Variants in SEC14L1 observed in about 807,000 individuals in gnomAD.
SEC14L1 encodes SEC14-like protein 1.
A neutral mutation model predicts 85.3 loss-of-function variants in SEC14L1; 48 were observed. The ratio of observed to expected loss-of-function variants is 0.56; its 90% CI spans 0.45 to 0.72. The LOEUF is 0.72. SEC14L1 is among the 30% of genes least tolerant of loss of function. SEC14L1 has a pLI of 0.00. For missense variants in SEC14L1, 682 were observed against 921.4 expected (o/e 0.74, Z 3.36); for synonymous variants, 391 against 355.5 (o/e 1.10, Z -1.12).
At chr17:77,197,988 GCTA>G (rs1975902444) in intron 8 of SEC14L1, among the ~76,000 whole-genome samples, 1 of 152,220 alleles carries the variant, frequency 6.6e-6, no homozygotes, top group Non-Finnish European at 1.5e-5. Context: ...AGTTTAACTT[GCTA>G]CTATTTCTTG....
chr17:77,108,610 A>G (rs982363689), intron 3 of SEC14L1, among the ~76,000 whole-genome samples: 2 of 151,840 alleles, frequency 1.3e-5, no homozygotes, highest in African/African-American at 2.4e-5. Context: ...ATGGTGGTGC[A>G]TGCCTGTAGT....
At chr17:77,178,694 A>G (rs1418470652) in intron 3 of SEC14L1, among the ~76,000 whole-genome samples, 1 of 152,308 alleles carries the variant, frequency 6.6e-6, no homozygotes, top group South Asian at 2.1e-4. Flanking sequence ...TGCAGCCTCA[A>G]TCCCTTGTGT....
intron 13 of SEC14L1, among the ~76,000 whole-genome samples, chr17:77,208,885 T>C (rs545757903): frequency 1.3e-5 from 2 of 152,396 alleles, no homozygotes; most frequent in Non-Finnish European, 2.9e-5. Context: ...GCTGGTGTTA[T>C]AGACCAGTCA....
intron 3 of SEC14L1, among the ~76,000 whole-genome samples, chr17:77,144,090 C>T (rs1267444152): frequency 1.3e-5 from 2 of 152,134 alleles, no homozygotes; most frequent in Non-Finnish European, 2.9e-5. Context: ...GAGTTTTACT[C>T]ACGATTCAAA....
intron 3 of SEC14L1, among the ~76,000 whole-genome samples, chr17:77,180,114 A>AT (rs539378106): frequency 1.0e-4 from 15 of 145,194 alleles, no homozygotes; most frequent in African/African-American, 3.3e-4. Context: ...TTATGATGTT[A>AT]TTTTTTTGAG....
chr17:77,172,041 T>C (rs78666792), intron 3 of SEC14L1, among the ~76,000 whole-genome samples: 2,074 of 152,334 alleles, frequency 0.014, 20 homozygotes, highest in Non-Finnish European at 0.021. Flanking sequence ...GGTCCTTATA[T>C]TTAATTTCTG....
intron 3 of SEC14L1, among the ~76,000 whole-genome samples, chr17:77,109,677 CTG>C (rs1488535149): frequency 6.6e-6 from 1 of 152,172 alleles, no homozygotes; most frequent in East Asian, 1.9e-4. Context: ...CTGAAACTAA[CTG>C]TTCAAAGGTA....
intron 3 of SEC14L1, among the ~76,000 whole-genome samples, chr17:77,135,864 T>C (rs1972780283): frequency 6.6e-6 from 1 of 151,224 alleles, no homozygotes; most frequent in Non-Finnish European, 1.5e-5. Context: ...CTTTCCTTCC[T>C]TCCTTCTCTT....
intron 8 of SEC14L1, chr17:77,199,483 T>C (rs1054226147): frequency 1.2e-5 from 2 of 161,960 alleles, no homozygotes; most frequent in Non-Finnish European, 2.7e-5. Context: ...CCCTTTTCCA[T>C]GGTGTGGCAC....
rs1010482386 is a variant in SEC14L1, at chr17:77,215,520, C to T, written c.*1497C>T. The T allele has an allele frequency of 2.5e-5, 25 of 986,154 alleles. No individual in the cohort carries two copies. The East Asian group carries it at 6.8e-4, about 27-fold the overall frequency. 61.1% of individuals were successfully genotyped at this position (986,154 alleles called of 1,614,324 possible). On this transcript the variant is annotated 3_prime_UTR_variant, in exon 17 of 17. Transcript: ENST00000436233. ...AGCTGTGTGGAGGCCATGTGTGCCC[C>T]GTGCAGGGATCAGGAGGGCGGGGGA... is the stretch of plus-strand genomic sequence containing the variant.
At chr17:77,185,257 G>A (rs1975215297) in intron 3 of SEC14L1, 1 of 985,490 alleles carries the variant, frequency 1.0e-6, no homozygotes. Context: ...AGAATGTGGA[G>A]GGAGTAAGGG....
chr17:77,154,963 C>G lies in SEC14L1; in HGVS notation c.63+11304C>G, dbSNP rs547341225. On this transcript the variant is annotated intron_variant, in intron 3 of 16. Transcript: ENST00000436233. ...TAAGGTGCGGATGGATTGTTTGTTC[C>G]TTTTCCTCTGATTTTGCTGTTTGGG... Among the ~76,000 whole-genome samples, 109 of 152,212 alleles carry G rather than the reference C, an allele frequency of 7.2e-4. 1 individual carries two copies. Among genetic ancestry groups the G allele is most frequent in the African/African-American group, 2.5e-3 (103 of 41,524 alleles).
intron 3 of SEC14L1, among the ~76,000 whole-genome samples, chr17:77,109,593 G>C (rs1218240430): frequency 2.0e-5 from 3 of 152,150 alleles, no homozygotes. Flanking sequence ...TGGTCTTTTG[G>C]GGCCTAGTGC....
chr17:77,125,324 G>T (rs1369899487), intron 3 of SEC14L1, among the ~76,000 whole-genome samples: 1 of 149,700 alleles, frequency 6.7e-6, no homozygotes, highest in Non-Finnish European at 1.5e-5. Flanking sequence ...AGAAAGAAAA[G>T]AAAAAGAAAA....
chr17:77,198,197 C>A (rs76322950), intron 8 of SEC14L1, among the ~76,000 whole-genome samples: 7,976 of 152,248 alleles, frequency 0.052, 316 homozygotes, highest in Admixed American at 0.11. Context: ...GATATTGCTG[C>A]CTTATCTTCA....
At chr17:77,125,808 A>C (rs1322071890) in intron 3 of SEC14L1, among the ~76,000 whole-genome samples, 1 of 152,148 alleles carries the variant, frequency 6.6e-6, no homozygotes, top group Non-Finnish European at 1.5e-5. Context: ...CAAATCTTGA[A>C]ACTGGTGACC....
At chr17:77,177,174 C>T (rs980465543) in intron 3 of SEC14L1, among the ~76,000 whole-genome samples, 4 of 151,524 alleles carry the variant, frequency 2.6e-5, no homozygotes, top group African/African-American at 9.7e-5. Context: ...ACACATGTGA[C>T]AGTGCTGAAG....
intron 13 of SEC14L1, among the ~76,000 whole-genome samples, chr17:77,209,035 A>AC (rs1320364403): frequency 2.0e-5 from 3 of 152,136 alleles, no homozygotes; most frequent in Non-Finnish European, 2.9e-5. Flanking sequence ...CAATATAAAT[A>AC]CCCCTAATGC....
At chr17:77,159,626 G>A (rs147434826) in intron 3 of SEC14L1, among the ~76,000 whole-genome samples, 1 of 152,118 alleles carries the variant, frequency 6.6e-6, no homozygotes, top group African/African-American at 2.4e-5. Context: ...TGATCTGCCT[G>A]CCTCGGCCTC....
Sources: gnomAD v4.1 joint callset for allele counts (sites outside exome capture counted in the v4.1 genomes callset) on GRCh38, gnomAD v4.1.1 for gene constraint, MANE v1.5 for transcripts, NCBI Gene and HGNC (gene_info 2026-07-23, HGNC 2026-07-21) for gene names.